RSPH14: variants seen among roughly 807,000 people sequenced by gnomAD.
The protein encoded by RSPH14 is radial spoke head 14 homolog.
RSPH14 carries 20 observed loss-of-function variants against 26.7 expected under a neutral mutation model. The observed-to-expected ratio is 0.75, with a 90% CI of 0.53 to 1.09. RSPH14 has a LOEUF of 1.09. RSPH14 is among the 50% of genes least tolerant of loss of function. RSPH14 has a pLI of 0.00. For missense variants in RSPH14, 449 were observed against 457.2 expected, an observed-to-expected ratio of 0.98 and a Z score of 0.16; for synonymous variants, 177 against 189.3, an observed-to-expected ratio of 0.93 and a Z score of 0.53.
chr22:23,098,130 T>A (rs1473670338), intron 4 of RSPH14, among the ~76,000 whole-genome samples: 2 of 152,264 alleles, frequency 1.3e-5, no homozygotes, highest in African/African-American at 4.8e-5. Context: ...CTCTTGGCTC[T>A]TACTGGCCTG....
upstream of RSPH14, among the ~76,000 whole-genome samples, chr22:23,147,518 A>C (rs1277296174): frequency 6.6e-6 from 1 of 151,962 alleles, no homozygotes; most frequent in African/African-American, 2.4e-5. Context: ...TTTTTAATAG[A>C]GATGAAGTCT....
At chr22:23,150,792 C>T in the RSPH14 span, among the ~76,000 whole-genome samples, 1 of 152,178 alleles carries the variant, frequency 6.6e-6, no homozygotes, top group Non-Finnish European at 1.5e-5. Context: ...GTGTCAAGTC[C>T]TCTGGGAGCC....
chr22:23,078,825 C>T (rs893012082), intron 4 of RSPH14, among the ~76,000 whole-genome samples: 1 of 152,212 alleles, frequency 6.6e-6, no homozygotes, highest in African/African-American at 2.4e-5. Context: ...CCCCAAAGGG[C>T]TTACAAGATG....
In RSPH14 at chr22:23,096,008, G is replaced by A; in HGVS notation, c.422-31875C>T. On this transcript the variant is annotated intron_variant, in intron 4 of 6. Coordinates refer to ENST00000216036, the MANE Select transcript of RSPH14 (RefSeq NM_014433.3). ...CAACCCCGACCGCGCCTACGACGCT[G>A]TGCAGCTCTTTGCGCTGACGGGCCC... The A allele has an allele frequency of 6.2e-7, 1 of 1,608,064 alleles. No homozygotes were observed. The highest frequency in any genetic ancestry group is 8.5e-7 in the Non-Finnish European group (1 of 1,179,966).
intron 4 of RSPH14, among the ~76,000 whole-genome samples, chr22:23,100,641 G>A (rs374983745): frequency 2.0e-5 from 3 of 152,198 alleles, no homozygotes; most frequent in Non-Finnish European, 4.4e-5. Context: ...AGCACACCAC[G>A]AGGGCAGGTC....
the RSPH14 span, chr22:23,180,591 C>CGGCGGCGGCG: frequency 2.5e-4 from 7 of 27,630 alleles, no homozygotes; most frequent in Middle Eastern, 7.1e-3. Context: ...GCGGCGGCGG[C>CGGCGGCGGCG]ACGGCGGCGG....
chr22:23,134,986 C>A (rs1254247649), intron 3 of RSPH14, among the ~76,000 whole-genome samples: 1 of 152,164 alleles, frequency 6.6e-6, no homozygotes, highest in African/African-American at 2.4e-5. Context: ...GCCTGGGCAA[C>A]ATGGTGAGAC....
At chr22:23,109,526 T>G (rs901299345) in intron 4 of RSPH14, among the ~76,000 whole-genome samples, 2 of 152,032 alleles carry the variant, frequency 1.3e-5, no homozygotes, top group African/African-American at 4.8e-5. Context: ...AGAGCATGGG[T>G]ACCCAGGGCC....
intron 4 of RSPH14, among the ~76,000 whole-genome samples, chr22:23,115,138 G>A (rs1323455188): frequency 6.6e-6 from 1 of 152,182 alleles, no homozygotes; most frequent in Non-Finnish European, 1.5e-5. Context: ...GGGACCTAGT[G>A]GAGAGTGAGT....
chr22:23,082,377 A>T lies in RSPH14; in HGVS notation c.422-18244T>A, dbSNP rs1475808926. ...CAGGCGCACACCACCACACCTGGCT[A>T]TTTTTTTTTTTTTTTTTTGTATCTT... is the stretch of plus-strand genomic sequence containing the variant. On this transcript the variant is annotated intron_variant, in intron 4 of 6. Coordinates refer to ENST00000216036, the MANE Select transcript of RSPH14 (RefSeq NM_014433.3). Among the ~76,000 whole-genome samples the T allele has an allele frequency of 5.3e-3, 621 of 116,310 alleles. 3 individuals are homozygous for T. Among genetic ancestry groups the T allele is most frequent in the African/African-American group, 0.017 (521 of 30,522 alleles). The allele number at this position is 116,310 out of a possible 152,430, so 76.3% of individuals were successfully genotyped here.
At chr22:23,155,915 CTG>C in the RSPH14 span, 2 of 1,523,854 alleles carry the variant, frequency 1.3e-6, no homozygotes, top group Non-Finnish European at 1.8e-6. Flanking sequence ...GCTCAAGACA[CTG>C]TGATTGTGTA....
chr22:23,073,800 G>A (rs572970316), intron 4 of RSPH14, among the ~76,000 whole-genome samples: 1 of 152,346 alleles, frequency 6.6e-6, no homozygotes, highest in East Asian at 1.9e-4. Flanking sequence ...TGTGCCAGGT[G>A]CAGGGGTACA....
intron 4 of RSPH14, among the ~76,000 whole-genome samples, chr22:23,069,342 G>A (rs2068283735): frequency 6.6e-6 from 1 of 152,196 alleles, no homozygotes; most frequent in Admixed American, 6.5e-5. Context: ...GATGCTCTAG[G>A]ATACACAAAG....
the RSPH14 span, among the ~76,000 whole-genome samples, chr22:23,170,084 A>C: frequency 5.9e-5 from 7 of 117,788 alleles, no homozygotes; most frequent in Admixed American, 1.9e-4. Context: ...GCAACTGAAC[A>C]AGACCCTTTA....
chr22:23,109,131 A>G (rs1188312411), intron 4 of RSPH14, among the ~76,000 whole-genome samples: 4 of 152,112 alleles, frequency 2.6e-5, no homozygotes, highest in African/African-American at 7.2e-5. Flanking sequence ...CCTATTGACC[A>G]CGTTTCTCTT....
chr22:23,115,295 T>C (rs764595419), intron 4 of RSPH14, among the ~76,000 whole-genome samples: 5 of 152,114 alleles, frequency 3.3e-5, no homozygotes, highest in Non-Finnish European at 5.9e-5. Context: ...GAGCTGATGG[T>C]GTACGTTCAG....
chr22:23,145,382 CAAGCTGGA>C (rs999304546), upstream of RSPH14: 24 of 1,607,922 alleles, frequency 1.5e-5, no homozygotes, highest in Non-Finnish European at 1.9e-5. Context: ...ATCGCCGGTG[CAAGCTGGA>C]TGCTTGGACG....
the RSPH14 span, chr22:23,161,630 T>C: frequency 7.2e-7 from 1 of 1,396,578 alleles, no homozygotes; most frequent in Non-Finnish European, 9.9e-7. Flanking sequence ...GTGACTGTGG[T>C]GTGGAGACTG....
the RSPH14 span, among the ~76,000 whole-genome samples, chr22:23,174,452 C>T: frequency 1.3e-5 from 2 of 152,070 alleles, no homozygotes; most frequent in African/African-American, 2.4e-5. Flanking sequence ...TGTAACCACA[C>T]TCAGAGAACA....
Sources: gnomAD v4.1 joint callset for allele counts (sites outside exome capture counted in the v4.1 genomes callset) on GRCh38, gnomAD v4.1.1 for gene constraint, MANE v1.5 for transcripts, NCBI Gene and HGNC (gene_info 2026-07-23, HGNC 2026-07-21) for gene names.